DPP10: variants seen among roughly 807,000 people sequenced by gnomAD.
The protein encoded by DPP10 is inactive dipeptidyl peptidase 10.
In DPP10, 33 loss-of-function variants were observed where a neutral mutation model predicts 120.9. The ratio of observed to expected loss-of-function variants is 0.27; its 90% CI spans 0.21 to 0.37. The LOEUF is 0.37. Ranked by LOEUF, DPP10 falls within the 10% of genes least tolerant of loss-of-function variation. The pLI, the probability that DPP10 is intolerant of heterozygous loss-of-function variation, is 1.00. For missense variants in DPP10, 816 were observed against 942.8 expected (o/e 0.87, Z 1.76); for synonymous variants, 337 against 326.1 (o/e 1.03, Z -0.36).
intron 1 of DPP10, among the ~76,000 whole-genome samples, chr2:114,847,595 G>A (rs990688232): frequency 3.3e-5 from 5 of 152,098 alleles, no homozygotes; most frequent in Non-Finnish European, 5.9e-5. Context: ...AAGCAAAGAA[G>A]CAGTTCATCT....
At chr2:115,784,230 A>G (rs1683091644) in intron 17 of DPP10, among the ~76,000 whole-genome samples, 1 of 152,224 alleles carries the variant, frequency 6.6e-6, no homozygotes, top group South Asian at 2.1e-4. Context: ...TAAAATTTAT[A>G]GTCAATGGCA....
intron 1 of DPP10, among the ~76,000 whole-genome samples, chr2:115,218,032 G>A (rs2056932014): frequency 6.6e-6 from 1 of 152,120 alleles, no homozygotes; most frequent in African/African-American, 2.4e-5. Flanking sequence ...TCAAGGATGA[G>A]CATGGTTTCA....
intron 1 of DPP10, among the ~76,000 whole-genome samples, chr2:115,140,129 A>C (rs1031510866): frequency 8.5e-5 from 13 of 152,228 alleles, no homozygotes; most frequent in Non-Finnish European, 1.3e-4. Flanking sequence ...GATGGCAATA[A>C]ATTTTATAAA....
rs572247217 is a variant in DPP10, at chr2:114,875,157, C to T, written c.60+432319C>T. ...AATGACCCTGAATCAGAAGAAGTAG[C>T]TATCAAAGGTTTGAGAGTTATCTGT... is the stretch of plus-strand genomic sequence containing the variant. On this transcript the variant is annotated intron_variant, in intron 1 of 25. Transcript: ENST00000410059. Among the ~76,000 whole-genome samples the T allele has an allele frequency of 3.3e-5, 5 of 152,224 alleles. No homozygotes were observed. The East Asian group carries it at 9.7e-4, about 29-fold the overall frequency.
intron 1 of DPP10, among the ~76,000 whole-genome samples, chr2:114,549,717 G>A (rs1024415318): frequency 1.3e-5 from 2 of 150,724 alleles, no homozygotes; most frequent in Admixed American, 6.6e-5. Context: ...AAGAAAACAT[G>A]TGGGTACAAA....
chr2:114,535,426 C>A (rs577354905), intron 1 of DPP10, among the ~76,000 whole-genome samples: 1 of 152,274 alleles, frequency 6.6e-6, no homozygotes, highest in East Asian at 1.9e-4. Flanking sequence ...TCGTAATTTC[C>A]TTTTTTCCCT....
chr2:115,646,829 C>T (rs188250176), intron 5 of DPP10, among the ~76,000 whole-genome samples: 3 of 152,138 alleles, frequency 2.0e-5, no homozygotes, highest in Admixed American at 2.0e-4. Flanking sequence ...GCTAGATCTA[C>T]CATGTTTAGA....
intron 1 of DPP10, among the ~76,000 whole-genome samples, chr2:115,214,664 T>G (rs2056712699): frequency 6.6e-6 from 1 of 152,226 alleles, no homozygotes. Context: ...TTTTTCTGAC[T>G]TCTCCCTTTA....
At chr2:115,294,584 T>C (rs1239259339) in intron 1 of DPP10, among the ~76,000 whole-genome samples, 1 of 152,052 alleles carries the variant, frequency 6.6e-6, no homozygotes, top group Non-Finnish European at 1.5e-5. Flanking sequence ...AGTTCTTAAA[T>C]TTATCTTCAA....
At chr2:115,764,822 G>A (rs1680526381) in intron 12 of DPP10, among the ~76,000 whole-genome samples, 1 of 151,992 alleles carries the variant, frequency 6.6e-6, no homozygotes, top group Non-Finnish European at 1.5e-5. Flanking sequence ...TTTAATGTAT[G>A]AGCATGGTAG....
intron 1 of DPP10, among the ~76,000 whole-genome samples, chr2:115,046,189 C>A (rs1025607882): frequency 1.6e-4 from 25 of 152,120 alleles, no homozygotes; most frequent in Non-Finnish European, 1.0e-4. Context: ...AAAATTATTT[C>A]CATCTGTAAA....
intron 1 of DPP10, among the ~76,000 whole-genome samples, chr2:115,018,810 A>G (rs922887812): frequency 2.0e-5 from 3 of 152,136 alleles, no homozygotes; most frequent in Admixed American, 1.3e-4. Flanking sequence ...GTGTATACCT[A>G]TGCAACAAAC....
At chr2:114,656,945 A>G (rs1335810168) in intron 1 of DPP10, among the ~76,000 whole-genome samples, 3 of 152,172 alleles carry the variant, frequency 2.0e-5, no homozygotes, top group Admixed American at 2.0e-4. Context: ...AAAAAATAAG[A>G]TCAACTTTAT....
chr2:115,837,680 C>T (rs1234214783), intron 24 of DPP10, among the ~76,000 whole-genome samples: 2 of 151,910 alleles, frequency 1.3e-5, no homozygotes, highest in Non-Finnish European at 1.5e-5. Flanking sequence ...TATTAAATGC[C>T]CTTGATATGA....
chr2:115,569,676 G>A (rs922052369), intron 5 of DPP10, among the ~76,000 whole-genome samples: 1 of 152,130 alleles, frequency 6.6e-6, no homozygotes, highest in Non-Finnish European at 1.5e-5. Context: ...TTATTTAACT[G>A]ACACAATTAT....
chr2:115,321,520 T>TA (rs1335015499), intron 2 of DPP10, among the ~76,000 whole-genome samples: 1 of 150,190 alleles, frequency 6.7e-6, no homozygotes, highest in Non-Finnish European at 1.5e-5. Context: ...TTAGTGTTTT[T>TA]TTTTTTTTTT....
chr2:115,572,934 C>A (rs1037199), intron 5 of DPP10, among the ~76,000 whole-genome samples: 1 of 152,166 alleles, frequency 6.6e-6, no homozygotes, highest in African/African-American at 2.4e-5. Flanking sequence ...AGGAGCCTAG[C>A]TTTCCATCTG....
chr2:115,350,463 A>T (rs2063952230), intron 3 of DPP10, among the ~76,000 whole-genome samples: 1 of 152,090 alleles, frequency 6.6e-6, no homozygotes, highest in Admixed American at 6.6e-5. Context: ...AACTACGGAT[A>T]TTCAAACTTT....
chr2:114,499,711 A>G (rs1255952259), intron 1 of DPP10, among the ~76,000 whole-genome samples: 2 of 152,224 alleles, frequency 1.3e-5, no homozygotes, highest in Non-Finnish European at 1.5e-5. Flanking sequence ...GGTAGAAACT[A>G]TAAGTAGATT....
Sources: allele counts gnomAD v4.1 joint callset (sites outside exome capture counted in the v4.1 genomes callset), GRCh38; gene constraint gnomAD v4.1.1; transcripts MANE v1.5; gene names NCBI Gene and HGNC (gene_info 2026-07-23, HGNC 2026-07-21).